COL5A2: variants seen among roughly 807,000 people sequenced by gnomAD.
COL5A2 encodes collagen type V alpha 2 chain.
A neutral mutation model predicts 208.2 loss-of-function variants in COL5A2; 23 were observed. That is an observed-to-expected ratio of 0.11 (90% CI 0.08 to 0.16). The LOEUF is 0.16. Among genes scored for constraint, COL5A2 ranks in the 10% least tolerant of loss-of-function variants. The pLI is 1.00. For missense variants in COL5A2, 1,590 were observed against 1,956.4 expected, an observed-to-expected ratio of 0.81 and a Z score of 3.53; for synonymous variants, 625 against 628.5, an observed-to-expected ratio of 0.99 and a Z score of 0.08.
the COL5A2 span, among the ~76,000 whole-genome samples, chr2:189,335,535 T>C: frequency 1.3e-5 from 2 of 152,182 alleles, no homozygotes; most frequent in East Asian, 3.9e-4. Flanking sequence ...TTGGTTGTAG[T>C]AGACAAAAAT....
the COL5A2 span, among the ~76,000 whole-genome samples, chr2:189,237,429 C>T: frequency 1.3e-5 from 2 of 150,818 alleles, no homozygotes; most frequent in South Asian, 2.1e-4. Flanking sequence ...TGGGCTCAAG[C>T]AAATGAATAT....
At position 189,068,854 on chromosome 2, in the gene COL5A2, G is replaced by C; in HGVS notation, c.1189C>G (p.Pro397Ala). 6.2e-7 allele frequency: 1 copy of C among 1,613,162 alleles called. No homozygotes were observed. The highest frequency in any genetic ancestry group is 1.1e-5 in the South Asian group (1 of 91,042). Reference protein sequence around the residue: ...GEAGPTGARGPEGPQGQRGET... With the variant: ...GEAGPTGARGAEGPQGQRGET... ...CCTCTCTGCCCCTGAGGACCTTCAG[G>C]GCCTCGCGCCCCTGTAGGACCTGCT... Residue 397 changes from proline (P) to alanine (A), a missense_variant, in exon 19 of 54, where the codon CCT becomes GCT. Transcript: ENST00000374866.
In COL5A2 at chr2:189,058,832, A is replaced by G; in HGVS notation, c.2130+17T>C. 1 of 1,611,276 alleles carries G rather than the reference A, an allele frequency of 6.2e-7. No homozygotes were observed. The highest frequency in any genetic ancestry group is 1.3e-5 in the African/African-American group (1 of 74,980). The stretch of plus-strand genomic sequence containing the variant: ...CCAGTGGGAAACAACATTAATCATG[A>G]AGATTAAAATACTTACTCTAGGTCC... On this transcript the variant is annotated intron_variant, in intron 32 of 53. Transcript: ENST00000374866.
intron 1 of COL5A2, among the ~76,000 whole-genome samples, chr2:189,191,677 T>G (rs1688932894): frequency 6.6e-6 from 1 of 152,048 alleles, no homozygotes; most frequent in Non-Finnish European, 1.5e-5. Flanking sequence ...TAAAGCTAAC[T>G]GCAATGAATC....
the COL5A2 span, among the ~76,000 whole-genome samples, chr2:189,340,638 A>T: frequency 6.6e-6 from 1 of 152,172 alleles, no homozygotes; most frequent in Non-Finnish European, 1.5e-5. Flanking sequence ...AAAATCTCAC[A>T]CATCCACCTT....
chr2:189,054,254 C>T, intron 35 of COL5A2, 42 bp from the exon 36 acceptor site: 5 of 1,415,230 alleles, frequency 3.5e-6, no homozygotes, highest in Non-Finnish European at 5.0e-6. Context: ...GTAAAAAATG[C>T]ACAGAAATCT....
the COL5A2 span, among the ~76,000 whole-genome samples, chr2:189,307,645 A>G: frequency 6.6e-6 from 1 of 152,194 alleles, no homozygotes; most frequent in Non-Finnish European, 1.5e-5. Context: ...GCATTCTCAG[A>G]AAGTCAGGTA....
the COL5A2 span, among the ~76,000 whole-genome samples, chr2:189,429,192 T>C: frequency 6.6e-6 from 1 of 152,234 alleles, no homozygotes; most frequent in Non-Finnish European, 1.5e-5. Flanking sequence ...ACAAGGTATA[T>C]GTGCTTCAAG....
At chr2:189,279,666 TTTATTTTTTAAAGTCTACAAAAA>T in the COL5A2 span, among the ~76,000 whole-genome samples, 49 of 152,238 alleles carry the variant, frequency 3.2e-4, no homozygotes, top group African/African-American at 1.1e-3. Context: ...TATAAGATAG[TTTATTTTTTAAAGTCTACAAAAA>T]TTGCTGAATT....
At chr2:189,148,698 AT>A (rs1436223211) in intron 1 of COL5A2, among the ~76,000 whole-genome samples, 3 of 152,228 alleles carry the variant, frequency 2.0e-5, no homozygotes, top group African/African-American at 7.2e-5. Context: ...AGAATCATAG[AT>A]TTAGGTGAAT....
chr2:189,285,334 C>T, the COL5A2 span, among the ~76,000 whole-genome samples: 1 of 151,962 alleles, frequency 6.6e-6, no homozygotes, highest in Admixed American at 6.6e-5. Flanking sequence ...CCTGTTAAAG[C>T]CCTGAACCCA....
At chr2:189,185,874 C>A (rs536855719) in intron 1 of COL5A2, among the ~76,000 whole-genome samples, 23 of 152,232 alleles carry the variant, frequency 1.5e-4, no homozygotes, top group African/African-American at 5.5e-4. Flanking sequence ...AGGTGTCAAT[C>A]CCGGAGAACC....
At chr2:189,215,650 A>G (rs1689270027) in intron 1 of COL5A2, among the ~76,000 whole-genome samples, 1 of 152,050 alleles carries the variant, frequency 6.6e-6, no homozygotes, top group South Asian at 2.1e-4. Flanking sequence ...TATTCTGAAA[A>G]AACAAAATAT....
chr2:189,072,675 G>C (rs543494949), intron 17 of COL5A2, among the ~76,000 whole-genome samples: 1 of 149,614 alleles, frequency 6.7e-6, no homozygotes, highest in Non-Finnish European at 1.5e-5. Context: ...GGGAGGCTGA[G>C]GCAGGAGAAT....
the COL5A2 span, chr2:189,311,511 C>A: frequency 4.8e-5 from 54 of 1,119,246 alleles, no homozygotes; most frequent in Non-Finnish European, 6.6e-5. Context: ...TGTGCCAGCT[C>A]TGACTCCAGG....
At chr2:189,209,754 G>A (rs187505581) in intron 1 of COL5A2, among the ~76,000 whole-genome samples, 24 of 152,332 alleles carry the variant, frequency 1.6e-4, no homozygotes, top group African/African-American at 5.5e-4. Context: ...AGATGATGAA[G>A]CTTTTAACTG....
intron 17 of COL5A2, among the ~76,000 whole-genome samples, chr2:189,073,015 A>AT (rs1374289206): frequency 1.3e-5 from 2 of 152,026 alleles, no homozygotes; most frequent in Non-Finnish European, 2.9e-5. Flanking sequence ...AAATGTACAT[A>AT]TTTTTTCATC....
chr2:189,383,583 G>C, the COL5A2 span, among the ~76,000 whole-genome samples: 18 of 151,954 alleles, frequency 1.2e-4, 1 homozygote, highest in East Asian at 3.1e-3. Context: ...CATTATTTTA[G>C]GTGTTATTTC....
At chr2:189,106,085 T>G (rs1325053959) in intron 2 of COL5A2, among the ~76,000 whole-genome samples, 3 of 151,478 alleles carry the variant, frequency 2.0e-5, no homozygotes, top group African/African-American at 7.2e-5. Context: ...TTCTTAAGGA[T>G]TTGCCTGATT....
Sources: allele counts gnomAD v4.1 joint callset (sites outside exome capture counted in the v4.1 genomes callset), GRCh38; gene constraint gnomAD v4.1.1; transcripts MANE v1.5; gene names NCBI Gene and HGNC (gene_info 2026-07-23, HGNC 2026-07-21).